Variants in SBF2 observed in about 807,000 individuals in gnomAD.
The protein encoded by SBF2 is myotubularin-related protein 13.
Under a neutral mutation model 225.2 loss-of-function variants are expected in SBF2, and 112 were observed. That is an observed-to-expected ratio of 0.50 (90% CI 0.43 to 0.58). SBF2 has a LOEUF of 0.58. SBF2 is among the 20% of genes least tolerant of loss of function. The pLI is 0.00. For missense variants in SBF2, 1,996 were observed against 2,206.2 expected (o/e 0.90, Z 1.91); for synonymous variants, 763 against 773.3 (o/e 0.99, Z 0.22).
At chr11:9,820,922 A>G (rs1435087995) in intron 28 of SBF2, among the ~76,000 whole-genome samples, 2 of 152,246 alleles carry the variant, frequency 1.3e-5, no homozygotes, top group Non-Finnish European at 1.5e-5. Context: ...ATCCACAGGT[A>G]GCTACTGGTA....
intron 6 of SBF2, among the ~76,000 whole-genome samples, chr11:10,003,268 A>G (rs540929908): frequency 1.3e-5 from 2 of 152,332 alleles, no homozygotes; most frequent in African/African-American, 4.8e-5. Flanking sequence ...TTGTCTTTTA[A>G]CTATTTCATT....
At chr11:9,896,069 A>G (rs559714388) in intron 16 of SBF2, 58 bp from the exon 17 acceptor site, 4 of 1,311,010 alleles carry the variant, frequency 3.1e-6, no homozygotes, top group Non-Finnish European at 4.4e-6. Context: ...TCACAAATAC[A>G]TGCGAACTAA....
intron 1 of SBF2, among the ~76,000 whole-genome samples, chr11:10,253,793 T>G (rs190265499): frequency 6.6e-6 from 1 of 152,282 alleles, no homozygotes; most frequent in Admixed American, 6.5e-5. Context: ...AAGGCCTTCT[T>G]TGTTCTTCTG....
rs371952956 is a variant in SBF2 at position 10,042,808 on chromosome 11, C to A, written c.279+36G>T. ...TAAAAAACATTCCTAAATGTTGTAC[C>A]TTCGACTGTACTTTAGCTAGTAAAG... On this transcript the variant is annotated intron_variant, in intron 3 of 39. Coordinates refer to ENST00000256190, the MANE Select transcript of SBF2 (RefSeq NM_030962.4). The A allele has an allele frequency of 4.3e-5, 69 of 1,610,202 alleles. No homozygotes were observed. The African/African-American group carries it at 9.0e-4, about 21-fold the overall frequency.
At chr11:10,113,790 A>G (rs868138373) in intron 2 of SBF2, among the ~76,000 whole-genome samples, 37 of 145,468 alleles carry the variant, frequency 2.5e-4, no homozygotes, top group Middle Eastern at 7.1e-3. Flanking sequence ...TTTCTCTTAC[A>G]TGCAGTTTAA....
At chr11:10,292,404 G>A (rs936326261) in intron 1 of SBF2, among the ~76,000 whole-genome samples, 4 of 152,098 alleles carry the variant, frequency 2.6e-5, no homozygotes, top group African/African-American at 7.2e-5. Flanking sequence ...ATTGTTGGCC[G>A]GGCGTGGTGG....
At chr11:9,953,489 T>C (rs1865980183) in intron 16 of SBF2, among the ~76,000 whole-genome samples, 1 of 151,990 alleles carries the variant, frequency 6.6e-6, no homozygotes, top group South Asian at 2.1e-4. Flanking sequence ...TATGATGGAA[T>C]ACTACTCAGC....
At chr11:9,975,101 T>C (rs1946627047) in intron 13 of SBF2, among the ~76,000 whole-genome samples, 1 of 151,866 alleles carries the variant, frequency 6.6e-6, no homozygotes, top group Admixed American at 6.6e-5. Flanking sequence ...GAGAAAACAG[T>C]TTGGCAGTTT....
chr11:10,226,574 G>T (rs1187913337), intron 1 of SBF2, among the ~76,000 whole-genome samples: 19 of 150,926 alleles, frequency 1.3e-4, no homozygotes, highest in Non-Finnish European at 2.9e-5. Flanking sequence ...GTGAGAACAT[G>T]AGGTGTTTGG....
chr11:9,840,738 C>G (rs1856073670), intron 25 of SBF2, among the ~76,000 whole-genome samples: 1 of 152,304 alleles, frequency 6.6e-6, no homozygotes, highest in Middle Eastern at 3.4e-3. Flanking sequence ...GGAAAAATAA[C>G]TTTATTTCCT....
At chr11:10,006,962 T>C (rs1006967842) in intron 6 of SBF2, among the ~76,000 whole-genome samples, 1 of 152,080 alleles carries the variant, frequency 6.6e-6, no homozygotes. Context: ...GGCAAGAATA[T>C]AGGATGGCCC....
intron 6 of SBF2, among the ~76,000 whole-genome samples, chr11:10,026,998 T>C (rs1271233149): frequency 1.3e-5 from 2 of 152,206 alleles, no homozygotes; most frequent in African/African-American, 4.8e-5. Flanking sequence ...ATTTACAGTG[T>C]ACAACACGAT....
At chr11:9,823,932 C>T (rs960878785) in intron 28 of SBF2, among the ~76,000 whole-genome samples, 32 of 152,096 alleles carry the variant, frequency 2.1e-4, no homozygotes, top group African/African-American at 5.1e-4. Context: ...ATGAGATTTG[C>T]GTTTCTGGAT....
intron 1 of SBF2, among the ~76,000 whole-genome samples, chr11:10,237,810 G>A (rs1400204951): frequency 5.3e-5 from 8 of 151,960 alleles, no homozygotes; most frequent in Non-Finnish European, 1.0e-4. Flanking sequence ...ACCACTGATC[G>A]GCCTTCTGTC....
At chr11:10,037,960 T>C (rs886931373) in intron 3 of SBF2, among the ~76,000 whole-genome samples, 39 of 152,156 alleles carry the variant, frequency 2.6e-4, no homozygotes, top group African/African-American at 9.1e-4. Flanking sequence ...TGTTTAAATT[T>C]TTTTCTTTTC....
chr11:10,048,407 T>A (rs530822053), intron 2 of SBF2, among the ~76,000 whole-genome samples: 1 of 152,340 alleles, frequency 6.6e-6, no homozygotes, highest in Admixed American at 6.5e-5. Context: ...TTAATAGGAA[T>A]CAAAGCAGTG....
chr11:10,004,587 A>C (rs528162526), intron 6 of SBF2, among the ~76,000 whole-genome samples: 18 of 148,532 alleles, frequency 1.2e-4, no homozygotes, highest in South Asian at 6.4e-4. Flanking sequence ...AAAAAAAAAA[A>C]AAAAAAAACA....
At chr11:9,963,021 TA>T (rs1866677625) in intron 15 of SBF2, among the ~76,000 whole-genome samples, 1 of 152,214 alleles carries the variant, frequency 6.6e-6, no homozygotes, top group Non-Finnish European at 1.5e-5. Context: ...AATGAGTCAG[TA>T]AGAAAGGGTT....
chr11:9,905,087 G>A (rs753299700), intron 16 of SBF2, among the ~76,000 whole-genome samples: 1 of 152,204 alleles, frequency 6.6e-6, no homozygotes, highest in African/African-American at 2.4e-5. Context: ...TATAGACAGA[G>A]TTGTCAGCTC....
Sources: allele counts gnomAD v4.1 joint callset (sites outside exome capture counted in the v4.1 genomes callset), GRCh38; gene constraint gnomAD v4.1.1; transcripts MANE v1.5; gene names NCBI Gene and HGNC (gene_info 2026-07-23, HGNC 2026-07-21).